Variants in PIBF1 observed in about 807,000 individuals in gnomAD.
The protein encoded by PIBF1 is progesterone immunomodulatory binding factor 1.
PIBF1 carries 90 observed loss-of-function variants against 112.5 expected under a neutral mutation model. The observed-to-expected ratio is 0.80, with a 90% CI of 0.67 to 0.95. The LOEUF is 0.95. Among genes scored for constraint, PIBF1 ranks in the 40% least tolerant of loss-of-function variants. PIBF1 has a pLI of 0.00. For missense variants in PIBF1, 915 were observed against 852.3 expected, an observed-to-expected ratio of 1.07 and a Z score of -0.92; for synonymous variants, 301 against 288.6, an observed-to-expected ratio of 1.04 and a Z score of -0.44.
chr13:72,956,960 A>G (rs2042462454), intron 14 of PIBF1, among the ~76,000 whole-genome samples: 1 of 152,246 alleles, frequency 6.6e-6, no homozygotes, highest in Non-Finnish European at 1.5e-5. Context: ...AAAACTGCAA[A>G]GTGATACCAC....
intron 9 of PIBF1, among the ~76,000 whole-genome samples, chr13:72,844,877 C>G (rs888120904): frequency 1.3e-5 from 2 of 149,382 alleles, no homozygotes; most frequent in African/African-American, 5.0e-5. Flanking sequence ...CGACCTCAGC[C>G]TCCCAAAGTG....
At chr13:72,999,272 TAAAG>T (rs899540534) in intron 17 of PIBF1, among the ~76,000 whole-genome samples, 19 of 148,860 alleles carry the variant, frequency 1.3e-4, no homozygotes, top group African/African-American at 4.3e-4. Flanking sequence ...GCACAGAAAT[TAAAG>T]AAAAAGAAAT....
intron 8 of PIBF1, among the ~76,000 whole-genome samples, chr13:72,828,762 A>G (rs934460070): frequency 5.3e-5 from 8 of 152,168 alleles, no homozygotes; most frequent in Non-Finnish European, 1.0e-4. Context: ...TGTGTCTTTT[A>G]TGTTAGAATG....
intron 16 of PIBF1, among the ~76,000 whole-genome samples, chr13:72,982,130 G>T (rs2043172120): frequency 6.6e-6 from 1 of 152,102 alleles, no homozygotes; most frequent in African/African-American, 2.4e-5. Context: ...TGTGTCAAGG[G>T]TCTTTTTAAA....
chr13:72,835,156 A>G, intron 8 of PIBF1, 87 bp from the exon 9 acceptor site: 1 of 876,114 alleles, frequency 1.1e-6, no homozygotes, highest in South Asian at 3.2e-5. Context: ...AGCATACTTG[A>G]TAAAAGGTAT....
At chr13:72,968,208 G>A (rs2042797348) in intron 15 of PIBF1, among the ~76,000 whole-genome samples, 2 of 151,960 alleles carry the variant, frequency 1.3e-5, no homozygotes, top group Non-Finnish European at 2.9e-5. Flanking sequence ...TTCTACATCA[G>A]TGCTGTCCAG....
chr13:72,796,249 G>GA (rs202054907), intron 4 of PIBF1, among the ~76,000 whole-genome samples: 4,054 of 151,924 alleles, frequency 0.027, 73 homozygotes, highest in Non-Finnish European at 0.041. Flanking sequence ...ATGAAACGGG[G>GA]AAAAAAAATC....
intron 10 of PIBF1, among the ~76,000 whole-genome samples, chr13:72,866,002 T>C: frequency 6.6e-6 from 1 of 152,214 alleles, no homozygotes; most frequent in East Asian, 1.9e-4. Flanking sequence ...TTGACATGGC[T>C]TTACTGTCTC....
chr13:72,839,482 C>G (rs537774336), intron 9 of PIBF1, among the ~76,000 whole-genome samples: 2 of 152,246 alleles, frequency 1.3e-5, no homozygotes, highest in Non-Finnish European at 2.9e-5. Flanking sequence ...AGAATCTGAA[C>G]CTCAAGAGAA....
chr13:72,783,568 TA>T lies in PIBF1; in HGVS notation c.100del (p.Ile34PhefsTer17), dbSNP rs1342068617. ...SLETTVPTDD[I>X]SSSEEREGKV... The stretch of plus-strand genomic sequence containing the variant: ...TAGAAACAACAGTTCCTACGGATGA[TA>T]TTTCCTCATCAGAAGAGCGAGAGGG... On this transcript the variant is annotated frameshift_variant, in exon 2 of 18. Coordinates refer to ENST00000326291, the MANE Select transcript of PIBF1 (RefSeq NM_006346.4). LOFTEE classifies it high-confidence loss of function. 6.2e-7 allele frequency: 1 copy of T among 1,613,998 alleles called. No homozygotes were observed.
intron 2 of PIBF1, among the ~76,000 whole-genome samples, chr13:72,788,754 A>G (rs1284472638): frequency 6.6e-6 from 1 of 152,174 alleles, no homozygotes; most frequent in Non-Finnish European, 1.5e-5. Context: ...ACTAATAAAA[A>G]CCAGAGTATG....
chr13:72,980,662 G>A (rs1005167435), intron 16 of PIBF1, among the ~76,000 whole-genome samples: 3 of 151,916 alleles, frequency 2.0e-5, no homozygotes, highest in Non-Finnish European at 2.9e-5. Flanking sequence ...AGGCCTGGGG[G>A]CATGCACCTG....
intron 13 of PIBF1, among the ~76,000 whole-genome samples, chr13:72,918,663 G>A (rs563139317): frequency 3.0e-4 from 45 of 151,474 alleles, no homozygotes; most frequent in African/African-American, 1.0e-3. Context: ...CAAAGTGCTG[G>A]AAACACAGGA....
chr13:72,901,679 C>A lies in PIBF1; in HGVS notation c.1489-6852C>A, dbSNP rs1267877421. ...CAGCCTGGGTGACAAGAGCGAGACT[C>A]CTTCTCAAGAAAAAAAAAAAACCAA... On this transcript the variant is annotated intron_variant, in intron 11 of 17. Coordinates refer to ENST00000326291, the MANE Select transcript of PIBF1 (RefSeq NM_006346.4). Among the ~76,000 whole-genome samples the A allele has an allele frequency of 2.0e-5, 3 of 151,510 alleles. No homozygotes were observed. In the East Asian group the frequency reaches 5.8e-4, roughly 29 times the overall value.
intron 14 of PIBF1, among the ~76,000 whole-genome samples, chr13:72,960,411 A>C (rs1369995051): frequency 2.0e-5 from 3 of 152,196 alleles, no homozygotes; most frequent in African/African-American, 7.2e-5. Flanking sequence ...TCTCAAAAAA[A>C]TATATGTATA....
At chr13:72,931,968 G>T (rs2041722018) in intron 14 of PIBF1, among the ~76,000 whole-genome samples, 1 of 126,350 alleles carries the variant, frequency 7.9e-6, no homozygotes. Context: ...CTGAGACAGG[G>T]TCTGGCTTTA....
chr13:72,979,171 G>A (rs766590246), intron 16 of PIBF1, among the ~76,000 whole-genome samples: 19 of 152,040 alleles, frequency 1.2e-4, no homozygotes, highest in Admixed American at 5.2e-4. Context: ...CTCCAGCTTG[G>A]GTGACAGCAA....
intron 13 of PIBF1, among the ~76,000 whole-genome samples, chr13:72,919,281 G>C (rs1467047277): frequency 6.6e-6 from 1 of 152,148 alleles, no homozygotes; most frequent in Admixed American, 6.5e-5. Flanking sequence ...AGCAAGAAAA[G>C]GATAGTTAGA....
chr13:72,908,377 A>G lies in PIBF1; in HGVS notation c.1489-154A>G, dbSNP rs151135260. Among the ~76,000 whole-genome samples the G allele has an allele frequency of 2.0e-3, 300 of 152,316 alleles. 2 individuals are homozygous for G. The highest frequency in any genetic ancestry group is 7.0e-3 in the African/African-American group (291 of 41,578). On this transcript the variant is annotated intron_variant, in intron 11 of 17. Coordinates refer to ENST00000326291, the MANE Select transcript of PIBF1 (RefSeq NM_006346.4). The stretch of plus-strand genomic sequence containing the variant: ...TGAATTATTTACCTTAGAAATAAAT[A>G]TATTTAATTTCCTCATTAGTCATCT...
Sources: allele counts gnomAD v4.1 joint callset (sites outside exome capture counted in the v4.1 genomes callset), GRCh38; gene constraint gnomAD v4.1.1; transcripts MANE v1.5; gene names NCBI Gene and HGNC (gene_info 2026-07-23, HGNC 2026-07-21).